The following DTWD2 variants were observed in gnomAD, a reference collection of about 807,000 sequenced individuals.
DTWD2 encodes tRNA-uridine aminocarboxypropyltransferase 2.
Under a neutral mutation model 31.8 loss-of-function variants are expected in DTWD2, and 39 were observed. The observed-to-expected ratio is 1.22, with a 90% CI of 0.95 to 1.60. DTWD2 has a LOEUF of 1.60. Among genes scored for constraint, DTWD2 ranks in the 40% most tolerant of loss-of-function variants. The pLI, the probability that DTWD2 is intolerant of heterozygous loss-of-function variation, is 0.00. For missense variants in DTWD2, 515 were observed against 381.5 expected (o/e 1.35, Z -2.92); for synonymous variants, 180 against 142.8 (o/e 1.26, Z -1.86).
chr5:118,969,802 G>A (rs1754941609), intron 1 of DTWD2, among the ~76,000 whole-genome samples: 1 of 152,090 alleles, frequency 6.6e-6, no homozygotes, highest in Non-Finnish European at 1.5e-5. Context: ...CACCTCTCCA[G>A]CATGGGTACA....
chr5:118,961,442 C>T (rs955940591), intron 1 of DTWD2, among the ~76,000 whole-genome samples: 10 of 152,104 alleles, frequency 6.6e-5, no homozygotes, highest in African/African-American at 2.4e-4. Context: ...ATACTTAATT[C>T]ACTATATGTT....
intron 4 of DTWD2, among the ~76,000 whole-genome samples, chr5:118,924,067 G>A (rs1753760352): frequency 6.6e-6 from 1 of 152,178 alleles, no homozygotes; most frequent in Non-Finnish European, 1.5e-5. Context: ...GGGACCTCCA[G>A]GAAAACTCCT....
At chr5:118,963,983 G>A (rs777500969) in intron 1 of DTWD2, among the ~76,000 whole-genome samples, 31 of 152,266 alleles carry the variant, frequency 2.0e-4, no homozygotes, top group Admixed American at 6.5e-4. Flanking sequence ...GCCGAGGCGT[G>A]TGGACCACTT....
At chr5:118,862,693 C>T (rs566778245) in intron 4 of DTWD2, among the ~76,000 whole-genome samples, 1 of 152,290 alleles carries the variant, frequency 6.6e-6, no homozygotes, top group Non-Finnish European at 1.5e-5. Flanking sequence ...ACCCAACCTT[C>T]CTTGCCACCA....
chr5:118,879,609 C>CAAAA (rs775009585), intron 4 of DTWD2, among the ~76,000 whole-genome samples: 36 of 35,910 alleles, frequency 1.0e-3, no homozygotes, highest in East Asian at 2.0e-3. Flanking sequence ...GACTACAGCT[C>CAAAA]AAAAAAAAAA....
intron 1 of DTWD2, among the ~76,000 whole-genome samples, chr5:118,947,229 G>T (rs1046192386): frequency 6.6e-6 from 1 of 152,126 alleles, no homozygotes; most frequent in African/African-American, 2.4e-5. Context: ...TGAAGCCCCA[G>T]AGGGCATGTG....
At chr5:118,986,463 C>T (rs1190526907) in intron 1 of DTWD2, among the ~76,000 whole-genome samples, 1 of 152,126 alleles carries the variant, frequency 6.6e-6, no homozygotes, top group Admixed American at 6.5e-5. Flanking sequence ...ATTTCTGGAA[C>T]TCCCCTAGGC....
chr5:118,984,204 G>A (rs552024630), intron 1 of DTWD2, among the ~76,000 whole-genome samples: 6 of 152,162 alleles, frequency 3.9e-5, no homozygotes, highest in East Asian at 3.9e-4. Context: ...CAGGAGGATC[G>A]CTTGAACCTG....
intron 4 of DTWD2, among the ~76,000 whole-genome samples, chr5:118,918,958 T>C (rs1255000297): frequency 6.6e-6 from 1 of 152,046 alleles, no homozygotes; most frequent in Non-Finnish European, 1.5e-5. Flanking sequence ...AGATTTTAAA[T>C]AGGGCCCCTT....
intron 1 of DTWD2, among the ~76,000 whole-genome samples, chr5:118,986,958 G>GA (rs1027300599): frequency 6.6e-5 from 10 of 151,930 alleles, no homozygotes; most frequent in African/African-American, 9.7e-5. Flanking sequence ...AAACGTAACT[G>GA]AAAAAAAGAT....
chr5:118,984,667 T>G (rs1755383992), intron 1 of DTWD2, among the ~76,000 whole-genome samples: 1 of 152,206 alleles, frequency 6.6e-6, no homozygotes, highest in Non-Finnish European at 1.5e-5. Flanking sequence ...AACTTCCATC[T>G]CAGGGTCTAT....
chr5:118,861,634 T>C (rs1752262147), intron 4 of DTWD2, among the ~76,000 whole-genome samples: 1 of 152,140 alleles, frequency 6.6e-6, no homozygotes, highest in South Asian at 2.1e-4. Flanking sequence ...TTTCTTTCAA[T>C]AAACATTTAT....
intron 5 of DTWD2, among the ~76,000 whole-genome samples, chr5:118,846,020 T>G (rs1408148634): frequency 1.3e-5 from 2 of 152,192 alleles, no homozygotes; most frequent in African/African-American, 4.8e-5. Flanking sequence ...AACGTAAAGT[T>G]GTCCTAACTA....
chr5:118,868,925 G>A lies in DTWD2; in HGVS notation c.598-20707C>T, dbSNP rs778095060. Among the ~76,000 whole-genome samples the A allele has an allele frequency of 4.0e-5, 6 of 151,324 alleles. No homozygotes were observed. In the South Asian group the frequency reaches 8.4e-4, roughly 21 times the overall value. Reference sequence around the variant, plus strand: ...CATGGAAAATCTTGGAGAACATTACGCTAAGCAAAATAAGCTAGTCACAAA... The same window carrying A: ...CATGGAAAATCTTGGAGAACATTACACTAAGCAAAATAAGCTAGTCACAAA... On this transcript the variant is annotated intron_variant, in intron 4 of 5. Transcript: ENST00000510708.
intron 5 of DTWD2, among the ~76,000 whole-genome samples, chr5:118,847,169 T>C (rs139379364): frequency 1.2e-4 from 18 of 152,242 alleles, no homozygotes; most frequent in Admixed American, 2.6e-4. Context: ...TGAGCTTTCA[T>C]CTATTATTGA....
intron 1 of DTWD2, among the ~76,000 whole-genome samples, chr5:118,982,526 A>G (rs940325363): frequency 6.6e-6 from 1 of 152,016 alleles, no homozygotes; most frequent in South Asian, 2.1e-4. Context: ...GAATAAACAT[A>G]TTTTCTATAC....
At chr5:118,880,985 A>C (rs1184425755) in intron 4 of DTWD2, among the ~76,000 whole-genome samples, 1 of 152,202 alleles carries the variant, frequency 6.6e-6, no homozygotes, top group Non-Finnish European at 1.5e-5. Context: ...AAATGATTTG[A>C]TCTTAACTGA....
rs1751629910 is a variant in DTWD2, at chr5:118,838,601, G to C, written c.*2316C>G. On this transcript the variant is annotated 3_prime_UTR_variant, in exon 6 of 6. Transcript: ENST00000510708. ...GACTAGAGAAGCATTTTATACCACA[G>C]ATGATTAAATGGACTCACCTTGTTA... The C allele has an allele frequency of 6.6e-6, 1 of 152,184 alleles. No individual in the cohort carries two copies. The highest frequency in any genetic ancestry group is 2.1e-4 in the South Asian group (1 of 4,826). The allele number at this position is 152,184 out of a possible 1,614,324, so 9.4% of individuals were successfully genotyped here.
intron 5 of DTWD2, among the ~76,000 whole-genome samples, chr5:118,844,551 T>C (rs556635416): frequency 4.6e-5 from 7 of 152,342 alleles, no homozygotes; most frequent in African/African-American, 9.6e-5. Flanking sequence ...CTCATTATTA[T>C]CTCAGTTCTT....
Sources: gnomAD v4.1 joint callset for allele counts (sites outside exome capture counted in the v4.1 genomes callset) on GRCh38, gnomAD v4.1.1 for gene constraint, MANE v1.5 for transcripts, NCBI Gene and HGNC (gene_info 2026-07-23, HGNC 2026-07-21) for gene names.